EPHA6: variants seen among roughly 807,000 people sequenced by gnomAD.
The protein encoded by EPHA6 is ephrin type-A receptor 6.
A neutral mutation model predicts 112.0 loss-of-function variants in EPHA6; 50 were observed. The observed-to-expected ratio is 0.45, with a 90% CI of 0.36 to 0.56. The LOEUF (loss-of-function observed/expected upper bound fraction) is 0.56, where lower values mean the gene tolerates loss of function less well. Ranked by LOEUF, EPHA6 falls within the 20% of genes least tolerant of loss-of-function variation. The pLI, the probability that EPHA6 is intolerant of heterozygous loss-of-function variation, is 0.00. For synonymous variants in EPHA6, 529 were observed against 490.7 expected (o/e 1.08, Z -1.03); for missense variants, 1,280 against 1,417.4 (o/e 0.90, Z 1.56).
At position 97,392,702 on chromosome 3, in the gene EPHA6, A is replaced by G. The variant is rs889994795; in HGVS notation, c.1607-12448A>G. On this transcript the variant is annotated intron_variant, in intron 5 of 17. Coordinates refer to ENST00000389672, the MANE Select transcript of EPHA6 (RefSeq NM_001080448.3). ...AAATATTTTAAAGATTTATATCTCTATAAGCTTTATTACTTGGCTGCTTCC... is the reference window on the plus strand; with the variant it reads ...AAATATTTTAAAGATTTATATCTCTGTAAGCTTTATTACTTGGCTGCTTCC... 3.0e-4 allele frequency among the ~76,000 whole-genome samples: 46 copies of G among 151,788 alleles called. 1 individual carries two copies. Among genetic ancestry groups the G allele is most frequent in the Non-Finnish European group, 1.3e-4 (9 of 67,794 alleles).
intron 10 of EPHA6, among the ~76,000 whole-genome samples, chr3:97,490,078 TAATA>T (rs1281874490): frequency 5.9e-5 from 9 of 152,094 alleles, no homozygotes; most frequent in Non-Finnish European, 1.0e-4. Flanking sequence ...AATGCTTGTT[TAATA>T]AATAAATAAA....
intron 11 of EPHA6, among the ~76,000 whole-genome samples, chr3:97,589,016 T>C (rs1021925259): frequency 1.3e-5 from 2 of 152,210 alleles, no homozygotes; most frequent in Admixed American, 1.3e-4. Context: ...AAAAGATATT[T>C]TGTTTCCCAG....
At chr3:96,938,574 T>C in intron 2 of EPHA6, among the ~76,000 whole-genome samples, 1 of 152,194 alleles carries the variant, frequency 6.6e-6, no homozygotes, top group East Asian at 1.9e-4. Context: ...TTTGACTTCC[T>C]CTTTTCCTAA....
intron 13 of EPHA6, among the ~76,000 whole-genome samples, chr3:97,624,683 A>T (rs2107514316): frequency 6.6e-6 from 1 of 151,726 alleles, no homozygotes; most frequent in Admixed American, 6.6e-5. Context: ...ATCAGGTCCA[A>T]GGATTTTCTT....
intron 3 of EPHA6, among the ~76,000 whole-genome samples, chr3:97,076,210 C>T (rs973569968): frequency 9.9e-5 from 15 of 152,054 alleles, no homozygotes; most frequent in African/African-American, 3.6e-4. Context: ...TGCCAGATTG[C>T]CAAATTGTGG....
intron 2 of EPHA6, among the ~76,000 whole-genome samples, chr3:96,869,945 T>G (rs796897273): frequency 7.4e-4 from 112 of 152,146 alleles, no homozygotes; most frequent in African/African-American, 2.5e-3. Flanking sequence ...TATAGATAAT[T>G]TTTGTGTGCT....
chr3:97,407,723 A>AT lies in EPHA6; in HGVS notation c.1731+2457dup, dbSNP rs561855859. On this transcript the variant is annotated intron_variant, in intron 6 of 17. Coordinates refer to ENST00000389672, the MANE Select transcript of EPHA6 (RefSeq NM_001080448.3). ...GTCAAGAAAAGTTACAAAACTTTTT[A>AT]TTTTTTTTATTTTTTTATTCACTTA... is the stretch of plus-strand genomic sequence containing the variant. Among the ~76,000 whole-genome samples the AT allele has an allele frequency of 3.0e-4, 46 of 151,686 alleles. No individual in the cohort carries two copies. In the South Asian group the frequency reaches 6.7e-3, roughly 22 times the overall value.
At chr3:97,330,654 A>G (rs1027867158) in intron 5 of EPHA6, among the ~76,000 whole-genome samples, 1 of 152,124 alleles carries the variant, frequency 6.6e-6, no homozygotes, top group East Asian at 1.9e-4. Flanking sequence ...AAAGAAGGCT[A>G]TTACATAATG....
intron 3 of EPHA6, among the ~76,000 whole-genome samples, chr3:96,993,578 A>G (rs1349540747): frequency 3.3e-5 from 5 of 152,010 alleles, no homozygotes; most frequent in East Asian, 3.9e-4. Context: ...CCAGACATCT[A>G]TGCCCTCACT....
intron 5 of EPHA6, among the ~76,000 whole-genome samples, chr3:97,245,160 A>G (rs1249039959): frequency 6.6e-6 from 1 of 152,100 alleles, no homozygotes; most frequent in Non-Finnish European, 1.5e-5. Flanking sequence ...ATAACAAATA[A>G]GACAGGCTGT....
At chr3:97,033,574 T>G (rs887857836) in intron 3 of EPHA6, among the ~76,000 whole-genome samples, 3 of 151,978 alleles carry the variant, frequency 2.0e-5, no homozygotes, top group Admixed American at 1.3e-4. Flanking sequence ...ATGATAGTGT[T>G]TGGCTGATAA....
At chr3:97,674,279 T>C (rs76676838) in intron 14 of EPHA6, among the ~76,000 whole-genome samples, 9,003 of 152,256 alleles carry the variant, frequency 0.059, 335 homozygotes, top group African/African-American at 0.1. Context: ...TAAGGCTACA[T>C]TGGTTACACC....
intron 5 of EPHA6, among the ~76,000 whole-genome samples, chr3:97,325,278 A>G (rs2082363394): frequency 6.6e-6 from 1 of 152,144 alleles, no homozygotes; most frequent in South Asian, 2.1e-4. Flanking sequence ...GGAAGTTGGA[A>G]TTCCAAGATA....
chr3:97,512,264 G>A (rs2092378608), intron 10 of EPHA6, among the ~76,000 whole-genome samples: 1 of 151,962 alleles, frequency 6.6e-6, no homozygotes, highest in South Asian at 2.1e-4. Context: ...AGAGGTATTA[G>A]TAATTATCTA....
chr3:97,055,244 A>G (rs2045814812), intron 3 of EPHA6, among the ~76,000 whole-genome samples: 1 of 152,112 alleles, frequency 6.6e-6, no homozygotes, highest in South Asian at 2.1e-4. Context: ...TAACAAACAA[A>G]CTTCCCAAGT....
intron 3 of EPHA6, among the ~76,000 whole-genome samples, chr3:97,197,798 C>T (rs1320967210): frequency 6.6e-6 from 1 of 151,970 alleles, no homozygotes; most frequent in African/African-American, 2.4e-5. Context: ...TTATTTAGAA[C>T]CCCATAGCAT....
At chr3:97,055,021 G>A (rs772890833) in intron 3 of EPHA6, among the ~76,000 whole-genome samples, 5 of 151,942 alleles carry the variant, frequency 3.3e-5, no homozygotes, top group Non-Finnish European at 7.4e-5. Context: ...ATTCGTAGTA[G>A]TGGAATGGGA....
intron 3 of EPHA6, among the ~76,000 whole-genome samples, chr3:97,089,748 G>A (rs2047006006): frequency 1.3e-5 from 2 of 152,022 alleles, no homozygotes; most frequent in Non-Finnish European, 2.9e-5. Context: ...TTTCACCCTA[G>A]GAGTCTCTAG....
chr3:97,044,743 G>C lies in EPHA6; in HGVS notation c.1114+56750G>C, dbSNP rs146842714. ...AAAAAAAATCTCTGGATTTGTATGC[G>C]GGACACCGACTCAATTGGCTTCTGA... On this transcript the variant is annotated intron_variant, in intron 3 of 17. Transcript: ENST00000389672. 6.6e-3 allele frequency among the ~76,000 whole-genome samples: 1,003 copies of C among 152,080 alleles called. 15 individuals are homozygous for C. The highest frequency in any genetic ancestry group is 0.022 in the African/African-American group (928 of 41,514).
Sources: gnomAD v4.1 joint callset for allele counts (sites outside exome capture counted in the v4.1 genomes callset) on GRCh38, gnomAD v4.1.1 for gene constraint, MANE v1.5 for transcripts, NCBI Gene and HGNC (gene_info 2026-07-23, HGNC 2026-07-21) for gene names.